The following CABIN1 variants were observed in gnomAD, a reference collection of about 807,000 sequenced individuals.
CABIN1 encodes the protein calcineurin-binding protein cabin-1.
CABIN1 carries 133 observed loss-of-function variants against 227.7 expected under a neutral mutation model. The observed-to-expected ratio is 0.58, with a 90% confidence interval of 0.51 to 0.67. The LOEUF is 0.67. Among genes scored for constraint, CABIN1 ranks in the 30% least tolerant of loss-of-function variants. CABIN1 has a pLI of 0.00. For synonymous variants in CABIN1, 1,086 were observed against 1,155.1 expected (o/e 0.94, Z 1.21); for missense variants, 2,408 against 2,852.5 (o/e 0.84, Z 3.55).
At position 24,070,781 on chromosome 22, in the gene CABIN1, T is replaced by G; in HGVS notation, c.2233-19T>G. The stretch of plus-strand genomic sequence containing the variant: ...TGCTGAGCTCACCGTGCACTTCACC[T>G]GGCTTCTTGCTGTACTAGGACTCCT... On this transcript the variant is annotated intron_variant, in intron 16 of 36. Coordinates refer to ENST00000263119, the MANE Select transcript of CABIN1 (RefSeq NM_012295.4). The G allele has an allele frequency of 6.2e-7, 1 of 1,614,104 alleles. No homozygotes were observed. Among genetic ancestry groups the G allele is most frequent in the Non-Finnish European group, 8.5e-7 (1 of 1,179,992 alleles).
chr22:24,176,360 C>G (rs1282444636), intron 35 of CABIN1, 85 bp downstream of exon 35: 3 of 1,448,838 alleles, frequency 2.1e-6, no homozygotes, highest in Non-Finnish European at 2.8e-6. Flanking sequence ...CCGGCCTGGC[C>G]TTGAAGGGCA....
At chr22:24,157,187 C>T (rs747250107) in intron 29 of CABIN1, among the ~76,000 whole-genome samples, 24 of 152,144 alleles carry the variant, frequency 1.6e-4, no homozygotes, top group Non-Finnish European at 3.1e-4. Flanking sequence ...CTTCCTGTCC[C>T]TAGGGGTGTT....
intron 1 of CABIN1, among the ~76,000 whole-genome samples, chr22:24,027,299 G>A (rs2036164784): frequency 6.6e-6 from 1 of 152,070 alleles, no homozygotes; most frequent in African/African-American, 2.4e-5. Context: ...TCTATGAAAG[G>A]CAATCATGCT....
Position 24,176,146 on chromosome 22 carries a change from A to G in CABIN1, c.6076A>G (p.Ser2026Gly). The change falls in exon 35 of 37, where the codon AGC becomes GGC. Residue 2026 changes from serine (S) to glycine (G), a missense_variant. Physicochemically the swap from Ser to Gly is moderately conservative, Grantham distance 56. This residue lies in a region of CABIN1 where 714 missense variants were observed against 773.8 expected (regional missense o/e 0.92). Transcript: ENST00000263119. Reference protein sequence around the residue: ...EELARVAEGTSFPPQEPRHSP... With the variant: ...EELARVAEGTGFPPQEPRHSP... ...GCTGGCGAGAGTGGCAGAGGGCACCAGCTTCCCGCCTCAGGAGCCACGGCA... is the reference window on the plus strand; with the variant it reads ...GCTGGCGAGAGTGGCAGAGGGCACCGGCTTCCCGCCTCAGGAGCCACGGCA... The G allele has an allele frequency of 6.2e-7, 1 of 1,610,654 alleles. No homozygotes were observed. Among genetic ancestry groups the G allele is most frequent in the Non-Finnish European group, 8.5e-7 (1 of 1,179,114 alleles).
At chr22:24,032,460 T>C (rs746618216) in intron 1 of CABIN1, among the ~76,000 whole-genome samples, 5 of 152,212 alleles carry the variant, frequency 3.3e-5, no homozygotes, top group African/African-American at 4.8e-5. Context: ...TGTACAAGTG[T>C]CTGTTCAAGT....
At chr22:24,050,249 A>G (rs551278867) in intron 7 of CABIN1, among the ~76,000 whole-genome samples, 168 of 152,348 alleles carry the variant, frequency 1.1e-3, no homozygotes, top group Middle Eastern at 3.4e-3. Flanking sequence ...GAGACAGATA[A>G]GAAGCACATG....
chr22:24,136,524 A>ATTTTTTTTTTTTTTTTTTTTTTTTTTTTT (rs145864566), intron 29 of CABIN1, among the ~76,000 whole-genome samples: 15 of 69,876 alleles, frequency 2.1e-4, no homozygotes, highest in African/African-American at 7.9e-4. Context: ...TAATTTTTGT[A>ATTTTTTTTTTTTTTTTTTTTTTTTTTTTT]TTTTTTTTTT....
At chr22:24,142,887 A>C (rs926244533) in intron 29 of CABIN1, among the ~76,000 whole-genome samples, 5 of 152,108 alleles carry the variant, frequency 3.3e-5, no homozygotes, top group African/African-American at 4.8e-5. Flanking sequence ...CCTTCCCCCA[A>C]GTCAGTCCCA....
chr22:24,130,497 A>G (rs994044077), intron 28 of CABIN1, among the ~76,000 whole-genome samples: 3 of 152,108 alleles, frequency 2.0e-5, no homozygotes, highest in African/African-American at 7.2e-5. Context: ...GTGAGGGGTT[A>G]TGGCACTGTG....
intron 19 of CABIN1, among the ~76,000 whole-genome samples, chr22:24,077,588 AC>A: frequency 6.6e-6 from 1 of 152,206 alleles, no homozygotes; most frequent in Non-Finnish European, 1.5e-5. Flanking sequence ...TGGGATGCTC[AC>A]CCTGGGTCAG....
chr22:24,160,539 T>C (rs6519501), intron 29 of CABIN1: 44,091 of 152,282 alleles, frequency 0.29, 8,050 homozygotes, highest in African/African-American at 0.52. Context: ...ACAATGAGAA[T>C]CAGAACAGTG....
At chr22:24,012,868 C>T (rs2034928770) in intron 1 of CABIN1, among the ~76,000 whole-genome samples, 1 of 151,980 alleles carries the variant, frequency 6.6e-6, no homozygotes, top group Non-Finnish European at 1.5e-5. Context: ...TCAAGCAGTT[C>T]TCCTGTCTCG....
intron 1 of CABIN1, among the ~76,000 whole-genome samples, chr22:24,015,690 C>T (rs181125032): frequency 5.9e-5 from 9 of 152,054 alleles, no homozygotes; most frequent in African/African-American, 2.2e-4. Context: ...GGCATGGTGG[C>T]TCACGCCTGT....
In CABIN1 at chr22:24,157,794, C is replaced by G. The variant is rs193301379; in HGVS notation, c.4747-6606C>G. 1.9e-3 allele frequency among the ~76,000 whole-genome samples: 292 copies of G among 152,338 alleles called. 1 individual carries two copies. Among genetic ancestry groups the G allele is most frequent in the Non-Finnish European group, 3.7e-3 (250 of 68,026 alleles). On this transcript the variant is annotated intron_variant, in intron 29 of 36. Coordinates refer to ENST00000263119, the MANE Select transcript of CABIN1 (RefSeq NM_012295.4). ...GGGCCAGATTCCATCCCCTTCCTGG[C>G]TCCGCTTGAGGTGCTTAAGAATAGG...
At chr22:24,096,107 C>G in intron 25 of CABIN1, 25 bp downstream of exon 25, 1 of 1,613,504 alleles carries the variant, frequency 6.2e-7, no homozygotes, top group Non-Finnish European at 8.5e-7. Context: ...TCAGGCGACC[C>G]CTAGCAGCTT....
intron 34 of CABIN1, among the ~76,000 whole-genome samples, chr22:24,175,229 G>A (rs1025343185): frequency 2.0e-5 from 3 of 152,220 alleles, no homozygotes; most frequent in African/African-American, 4.8e-5. Context: ...CCTGGGGCAG[G>A]AGCCTCAGGC....
chr22:24,088,682 G>C (rs2041340892), intron 23 of CABIN1, among the ~76,000 whole-genome samples: 1 of 152,008 alleles, frequency 6.6e-6, no homozygotes, highest in Non-Finnish European at 1.5e-5. Context: ...CAATATTAAG[G>C]GCAAAGCTCA....
chr22:24,096,503 G>A (rs1442306168), intron 25 of CABIN1, among the ~76,000 whole-genome samples: 1 of 152,222 alleles, frequency 6.6e-6, no homozygotes, highest in Non-Finnish European at 1.5e-5. Flanking sequence ...GGAAGTGTGG[G>A]AAGTGTGGGC....
chr22:24,168,580 C>T (rs993168874), intron 33 of CABIN1, 59 bp downstream of exon 33: 2 of 1,326,990 alleles, frequency 1.5e-6, no homozygotes, highest in African/African-American at 2.9e-5. Context: ...ATATCAAGGC[C>T]CTAGGATGCA....
Sources: gnomAD v4.1 joint callset for allele counts (sites outside exome capture counted in the v4.1 genomes callset) on GRCh38, gnomAD v4.1.1 for gene constraint, gnomAD v4.1.1 regional missense constraint, MANE v1.5 for transcripts, NCBI Gene and HGNC (gene_info 2026-07-23, HGNC 2026-07-21) for gene names.